PPHLN1: variants seen among roughly 807,000 people sequenced by gnomAD.
PPHLN1 encodes periphilin-1.
PPHLN1 carries 29 observed loss-of-function variants against 51.3 expected under a neutral mutation model. The observed-to-expected ratio is 0.57, with a 90% CI of 0.42 to 0.77. The LOEUF is 0.77. Among genes scored for constraint, PPHLN1 ranks in the 30% least tolerant of loss-of-function variants. The pLI is 0.00. For missense variants in PPHLN1, 436 were observed against 438.4 expected, an observed-to-expected ratio of 0.99 and a Z score of 0.05; for synonymous variants, 147 against 147.8, an observed-to-expected ratio of 0.99 and a Z score of 0.04.
rs770497594 is a variant in PPHLN1, at chr12:42,375,087, A to C, written c.511+13A>C. The C allele has an allele frequency of 1.7e-5, 26 of 1,574,908 alleles. No individual in the cohort carries two copies. The highest frequency in any genetic ancestry group is 3.6e-5 in the Admixed American group (2 of 54,940). ...TCTCAACATAGAAGTATGTATTTTA[A>C]GACTTTATTTTTTTCTCTCACAGTC... On this transcript the variant is annotated intron_variant, in intron 5 of 9. Transcript: ENST00000358314.
At chr12:42,329,686 A>T (rs1224880794) in intron 1 of PPHLN1, 1 of 152,196 alleles carries the variant, frequency 6.6e-6, no homozygotes, top group Admixed American at 6.5e-5. Context: ...TATTAGTGCT[A>T]ATTAAAGATA....
At chr12:42,350,998 G>A (rs2138191143) in intron 2 of PPHLN1, among the ~76,000 whole-genome samples, 1 of 152,004 alleles carries the variant, frequency 6.6e-6, no homozygotes, top group Middle Eastern at 3.4e-3. Flanking sequence ...ATGGCAAGCG[G>A]GAGAGGGAGA....
intron 2 of PPHLN1, among the ~76,000 whole-genome samples, chr12:42,338,476 G>A (rs1398493887): frequency 6.6e-6 from 1 of 152,190 alleles, no homozygotes; most frequent in Non-Finnish European, 1.5e-5. Flanking sequence ...AAGAAAGAGA[G>A]TGAGGCTGAG....
At chr12:42,415,084 G>A (rs1202869337) in intron 9 of PPHLN1, among the ~76,000 whole-genome samples, 5 of 152,158 alleles carry the variant, frequency 3.3e-5, no homozygotes, top group Non-Finnish European at 5.9e-5. Context: ...ATGTGTGAAC[G>A]TGGACCTATG....
chr12:42,352,117 T>A, intron 3 of PPHLN1, 68 bp downstream of exon 3: 1 of 1,313,900 alleles, frequency 7.6e-7, no homozygotes. Context: ...AATTTAAAAA[T>A]TTATGTGACG....
At chr12:42,362,210 G>GT (rs910502133) in intron 4 of PPHLN1, among the ~76,000 whole-genome samples, 4 of 151,826 alleles carry the variant, frequency 2.6e-5, no homozygotes, top group Admixed American at 1.3e-4. Context: ...TCTGTTTTGA[G>GT]TTTTTTGATT....
intron 4 of PPHLN1, among the ~76,000 whole-genome samples, chr12:42,360,455 A>ATTTTT (rs1565821205): frequency 2.7e-5 from 3 of 111,806 alleles, no homozygotes; most frequent in Admixed American, 1.1e-4. Flanking sequence ...GTGATGCTGA[A>ATTTTT]TTCTTTTTTT....
chr12:42,406,592 A>G (rs541378921), intron 9 of PPHLN1, among the ~76,000 whole-genome samples: 111 of 152,238 alleles, frequency 7.3e-4, no homozygotes, highest in African/African-American at 2.2e-3. Context: ...TAAAACGGCT[A>G]TTGAAATTCT....
intron 9 of PPHLN1, among the ~76,000 whole-genome samples, chr12:42,437,646 C>T (rs1340721873): frequency 6.6e-6 from 1 of 152,180 alleles, no homozygotes; most frequent in Non-Finnish European, 1.5e-5. Context: ...CTGTGATACA[C>T]TTGTTATGAT....
chr12:42,330,726 T>C (rs1282394959), intron 1 of PPHLN1, among the ~76,000 whole-genome samples: 3 of 152,200 alleles, frequency 2.0e-5, no homozygotes, highest in African/African-American at 7.2e-5. Flanking sequence ...GTTTTTGTTT[T>C]TGAGATGGAG....
downstream of PPHLN1, chr12:42,442,900 T>A: frequency 8.5e-7 from 1 of 1,170,884 alleles, no homozygotes; most frequent in Non-Finnish European, 1.2e-6. Flanking sequence ...CAGGCTCAAT[T>A]AAGGGACCCA....
chr12:42,358,309 A>G (rs1052260549), intron 4 of PPHLN1, among the ~76,000 whole-genome samples: 2 of 152,172 alleles, frequency 1.3e-5, no homozygotes, highest in Non-Finnish European at 2.9e-5. Flanking sequence ...TAATCCCCAC[A>G]GCCATGATAA....
chr12:42,400,850 A>G (rs1313844897), intron 9 of PPHLN1, among the ~76,000 whole-genome samples: 2 of 151,152 alleles, frequency 1.3e-5, no homozygotes, highest in South Asian at 2.1e-4. Flanking sequence ...GCAAGTGGCT[A>G]TACTCTGTAT....
chr12:42,344,419 C>G (rs185373547), intron 2 of PPHLN1, among the ~76,000 whole-genome samples: 52 of 152,262 alleles, frequency 3.4e-4, no homozygotes, highest in African/African-American at 9.6e-4. Flanking sequence ...CTTGTTTTGT[C>G]TATGCTTCTA....
At chr12:42,436,246 A>G (rs143985584) in intron 9 of PPHLN1, among the ~76,000 whole-genome samples, 145 of 151,958 alleles carry the variant, frequency 9.5e-4, no homozygotes, top group African/African-American at 3.2e-3. Flanking sequence ...ATGGTTTTAG[A>G]TGTCTGCACT....
chr12:42,420,316 G>T (rs1485692126), intron 9 of PPHLN1, among the ~76,000 whole-genome samples: 3 of 139,486 alleles, frequency 2.2e-5, no homozygotes, highest in Non-Finnish European at 4.8e-5. Flanking sequence ...TTGAGAGTGT[G>T]TGTATACTTT....
intron 6 of PPHLN1, among the ~76,000 whole-genome samples, chr12:42,386,577 C>T (rs1308680575): frequency 1.3e-5 from 2 of 152,174 alleles, no homozygotes; most frequent in African/African-American, 4.8e-5. Flanking sequence ...CGACCAGCTT[C>T]TGTGTGACTC....
At chr12:42,433,074 GTTTTAT>G (rs2082181663) in intron 9 of PPHLN1, 5 of 831,446 alleles carry the variant, frequency 6.0e-6, no homozygotes, top group South Asian at 5.4e-5. Flanking sequence ...TTTTTTGACA[GTTTTAT>G]TTTTATTGAC....
intron 9 of PPHLN1, among the ~76,000 whole-genome samples, chr12:42,417,932 GTTTTTTTTTTGT>G (rs1565989003): frequency 3.5e-4 from 17 of 49,106 alleles, no homozygotes; most frequent in African/African-American, 7.4e-4. Flanking sequence ...TTTTTTTTTT[GTTTTTTTTTTGT>G]TTTTTTTTTT....
Sources: gnomAD v4.1 joint callset for allele counts (sites outside exome capture counted in the v4.1 genomes callset) on GRCh38, gnomAD v4.1.1 for gene constraint, MANE v1.5 for transcripts, NCBI Gene and HGNC (gene_info 2026-07-23, HGNC 2026-07-21) for gene names.